Variants in RNGTT observed in about 807,000 individuals in gnomAD.
The protein encoded by RNGTT is RNA guanylyltransferase and 5'-phosphatase.
RNGTT carries 33 observed loss-of-function variants against 79.3 expected under a neutral mutation model. The ratio of observed to expected loss-of-function variants is 0.42; its 90% CI spans 0.32 to 0.56. RNGTT has a LOEUF of 0.56. Among genes scored for constraint, RNGTT ranks in the 20% least tolerant of loss-of-function variants. The pLI is 0.17. For synonymous variants in RNGTT, 222 were observed against 235.9 expected (o/e 0.94, Z 0.54); for missense variants, 497 against 739.1 (o/e 0.67, Z 3.80).
intron 13 of RNGTT, among the ~76,000 whole-genome samples, chr6:88,696,077 C>T (rs1157697468): frequency 6.6e-6 from 1 of 152,154 alleles, no homozygotes; most frequent in Non-Finnish European, 1.5e-5. Flanking sequence ...TTGGGATACA[C>T]TGCACAGCAT....
At chr6:88,844,644 G>A (rs1781429076) in intron 10 of RNGTT, 123 bp from the exon 11 acceptor site, 10 of 803,378 alleles carry the variant, frequency 1.2e-5, no homozygotes, top group Non-Finnish European at 1.9e-5. Flanking sequence ...GTTATTCAGT[G>A]CACAGCGTGC....
chr6:88,672,149 A>G (rs913123337), intron 14 of RNGTT, among the ~76,000 whole-genome samples: 4 of 152,014 alleles, frequency 2.6e-5, no homozygotes, highest in African/African-American at 9.7e-5. Context: ...ACAACAAAAG[A>G]AATAATCAAC....
At chr6:88,733,364 C>G (rs182858134) in intron 13 of RNGTT, among the ~76,000 whole-genome samples, 1 of 150,654 alleles carries the variant, frequency 6.6e-6, no homozygotes, top group African/African-American at 2.4e-5. Flanking sequence ...GTCTTCACCC[C>G]CCACCCCCCC....
At chr6:88,618,623 G>A (rs150563361) in intron 14 of RNGTT, among the ~76,000 whole-genome samples, 2 of 152,064 alleles carry the variant, frequency 1.3e-5, no homozygotes, top group African/African-American at 4.8e-5. Flanking sequence ...GAACTGATGA[G>A]GTTTTACTGT....
intron 10 of RNGTT, among the ~76,000 whole-genome samples, chr6:88,849,305 G>GA (rs972447491): frequency 1.7e-4 from 26 of 151,826 alleles, no homozygotes; most frequent in Non-Finnish European, 3.2e-4. Context: ...AAAATGTCCA[G>GA]AAAAAAATGT....
At chr6:88,937,794 AC>A (rs1784714623) in intron 2 of RNGTT, among the ~76,000 whole-genome samples, 1 of 152,134 alleles carries the variant, frequency 6.6e-6, no homozygotes, top group African/African-American at 2.4e-5. Context: ...TTCTTCCTTG[AC>A]CAAATGGTCA....
intron 11 of RNGTT, among the ~76,000 whole-genome samples, chr6:88,834,026 A>G (rs1316059518): frequency 6.6e-6 from 1 of 152,246 alleles, no homozygotes; most frequent in Non-Finnish European, 1.5e-5. Context: ...GTCTCAAAAA[A>G]AAGAATAAAA....
chr6:88,682,363 T>A (rs1775122580), intron 13 of RNGTT, among the ~76,000 whole-genome samples: 1 of 152,164 alleles, frequency 6.6e-6, no homozygotes. Context: ...ATTCCACTGC[T>A]TAGGAAGTTA....
chr6:88,821,524 GTTAAGCAAAATTT>G (rs1451308350), intron 11 of RNGTT, among the ~76,000 whole-genome samples: 1 of 151,972 alleles, frequency 6.6e-6, no homozygotes, highest in Non-Finnish European at 1.5e-5. Context: ...AGAAGCACAT[GTTAAGCAAAATTT>G]TTAAGGAAAA....
intron 11 of RNGTT, among the ~76,000 whole-genome samples, chr6:88,813,474 C>T (rs1780209287): frequency 6.6e-6 from 1 of 152,158 alleles, no homozygotes; most frequent in Admixed American, 6.6e-5. Flanking sequence ...TCTTGTTAGT[C>T]GACTTGCAAT....
chr6:88,802,325 A>C (rs956132961), intron 11 of RNGTT, among the ~76,000 whole-genome samples: 2 of 152,194 alleles, frequency 1.3e-5, no homozygotes, highest in Non-Finnish European at 2.9e-5. Context: ...ATTGCAAAGA[A>C]TACACCGTGA....
chr6:88,617,472 T>C (rs2127846616), intron 14 of RNGTT, among the ~76,000 whole-genome samples: 1 of 152,308 alleles, frequency 6.6e-6, no homozygotes, highest in South Asian at 2.1e-4. Context: ...ATTGGCGCCC[T>C]TGTGGCAAAT....
intron 11 of RNGTT, among the ~76,000 whole-genome samples, chr6:88,808,851 G>A (rs1780045031): frequency 6.6e-6 from 1 of 152,110 alleles, no homozygotes; most frequent in Non-Finnish European, 1.5e-5. Context: ...CAGCTACTTG[G>A]GAAGCTGCTG....
At chr6:88,724,897 C>T (rs905620626) in intron 13 of RNGTT, among the ~76,000 whole-genome samples, 1 of 152,132 alleles carries the variant, frequency 6.6e-6, no homozygotes, top group African/African-American at 2.4e-5. Flanking sequence ...ATCACTTTAG[C>T]CTGTGCCATC....
intron 13 of RNGTT, among the ~76,000 whole-genome samples, chr6:88,713,981 GA>G (rs1250452870): frequency 6.6e-6 from 1 of 152,122 alleles, no homozygotes; most frequent in African/African-American, 2.4e-5. Context: ...GGTGGTTAAA[GA>G]AAACATTTAG....
chr6:88,932,190 C>T (rs576572219), intron 2 of RNGTT, among the ~76,000 whole-genome samples: 38 of 152,266 alleles, frequency 2.5e-4, no homozygotes, highest in African/African-American at 8.2e-4. Flanking sequence ...TCTGCAGTTG[C>T]AGATAAGGGA....
intron 8 of RNGTT, among the ~76,000 whole-genome samples, chr6:88,871,879 CGAA>C (rs957056906): frequency 2.6e-5 from 4 of 152,058 alleles, no homozygotes; most frequent in African/African-American, 7.2e-5. Flanking sequence ...TTTATGGCCA[CGAA>C]GAAGATGGAA....
chr6:88,915,681 G>A (rs1318875529), intron 4 of RNGTT, among the ~76,000 whole-genome samples: 1 of 152,138 alleles, frequency 6.6e-6, no homozygotes, highest in Non-Finnish European at 1.5e-5. Flanking sequence ...CACTATCTGT[G>A]TAATAAAACC....
At chr6:88,834,666 A>G (rs763809743) in intron 11 of RNGTT, among the ~76,000 whole-genome samples, 7 of 152,172 alleles carry the variant, frequency 4.6e-5, no homozygotes, top group Admixed American at 6.5e-5. Flanking sequence ...TTCTTTTACT[A>G]TGATACAAAC....
Sources: allele counts gnomAD v4.1 joint callset (sites outside exome capture counted in the v4.1 genomes callset), GRCh38; gene constraint gnomAD v4.1.1; transcripts MANE v1.5; gene names NCBI Gene and HGNC (gene_info 2026-07-23, HGNC 2026-07-21).